MYO5A: variants seen among roughly 807,000 people sequenced by gnomAD.
The protein encoded by MYO5A is unconventional myosin-Va.
In MYO5A, 98 loss-of-function variants were observed where a neutral mutation model predicts 249.7. That is an observed-to-expected ratio of 0.39 (90% confidence interval 0.33 to 0.46). The LOEUF is 0.46. Ranked by LOEUF, MYO5A falls within the 20% of genes least tolerant of loss-of-function variation. The pLI is 0.98. For synonymous variants in MYO5A, 778 were observed against 810.6 expected (o/e 0.96, Z 0.68); for missense variants, 1,696 against 2,308.8 (o/e 0.73, Z 5.44).
chr15:52,443,257 T>G (rs564584222), intron 1 of MYO5A, among the ~76,000 whole-genome samples: 24 of 152,268 alleles, frequency 1.6e-4, no homozygotes, highest in African/African-American at 5.5e-4. Context: ...GAATGAAGGC[T>G]CTACCAAAAA....
intron 1 of MYO5A, among the ~76,000 whole-genome samples, chr15:52,466,505 T>C (rs1253629175): frequency 3.9e-5 from 6 of 152,120 alleles, no homozygotes; most frequent in Non-Finnish European, 5.9e-5. Context: ...CTGGCTAACA[T>C]AGTTGAGATG....
chr15:52,318,076 A>T (rs1315632587), intron 39 of MYO5A, among the ~76,000 whole-genome samples: 3 of 152,210 alleles, frequency 2.0e-5, no homozygotes, highest in African/African-American at 4.8e-5. Context: ...GAACACTAAC[A>T]GTTCCTGAGA....
intron 32 of MYO5A, 138 bp downstream of exon 32, chr15:52,340,058 C>G: frequency 1.1e-6 from 1 of 882,344 alleles, no homozygotes; most frequent in African/African-American, 1.7e-5. Context: ...CTTACTCTGT[C>G]TCTGCTGGAG....
intron 1 of MYO5A, among the ~76,000 whole-genome samples, chr15:52,488,043 A>G (rs1052654406): frequency 3.9e-5 from 6 of 152,102 alleles, no homozygotes; most frequent in South Asian, 2.1e-4. Flanking sequence ...TGAATTCTTA[A>G]CTTCTACATA....
chr15:52,359,167 T>A (rs951478499), intron 25 of MYO5A, among the ~76,000 whole-genome samples: 3 of 152,234 alleles, frequency 2.0e-5, no homozygotes, highest in African/African-American at 4.8e-5. Flanking sequence ...CATTCTTAAG[T>A]AGAACTAAGA....
chr15:52,446,296 C>T (rs569820398), intron 1 of MYO5A, among the ~76,000 whole-genome samples: 2 of 152,208 alleles, frequency 1.3e-5, no homozygotes, highest in African/African-American at 2.4e-5. Flanking sequence ...TCAAAAAAGC[C>T]GGGGTACAGC....
intron 1 of MYO5A, among the ~76,000 whole-genome samples, chr15:52,471,620 C>CACACACACACACA (rs71130163): frequency 1.3e-5 from 2 of 148,274 alleles, no homozygotes; most frequent in Admixed American, 6.7e-5. Flanking sequence ...CACACACACA[C>CACACACACACACA]CCCAAACAAA....
At chr15:52,410,306 G>C in intron 6 of MYO5A, 27 bp downstream of exon 6, 1 of 1,602,628 alleles carries the variant, frequency 6.2e-7, no homozygotes, top group Non-Finnish European at 8.5e-7. Context: ...TCTAACACAA[G>C]TGCATATGTG....
intron 9 of MYO5A, among the ~76,000 whole-genome samples, chr15:52,400,592 C>T (rs769493764): frequency 4.6e-5 from 7 of 152,148 alleles, no homozygotes; most frequent in Non-Finnish European, 4.4e-5. Context: ...AACAGTTCTT[C>T]ATTCTTCTTT....
At chr15:52,314,295 C>T in intron 40 of MYO5A, 92 bp from the exon 41 acceptor site, 1 of 947,024 alleles carries the variant, frequency 1.1e-6, no homozygotes, top group Non-Finnish European at 1.7e-6. Flanking sequence ...TCTGTGCGTA[C>T]AGATTTCAGT....
At chr15:52,517,420 C>T (rs1199630326) in intron 1 of MYO5A, among the ~76,000 whole-genome samples, 1 of 152,160 alleles carries the variant, frequency 6.6e-6, no homozygotes, top group Non-Finnish European at 1.5e-5. Context: ...GGCGGTGGCT[C>T]ACACCCATAA....
intron 1 of MYO5A, among the ~76,000 whole-genome samples, chr15:52,435,153 C>A (rs765594945): frequency 6.6e-6 from 1 of 151,442 alleles, no homozygotes; most frequent in Non-Finnish European, 1.5e-5. Flanking sequence ...TAGGAGAAAG[C>A]GAAAAGAAAG....
chr15:52,446,296 C>G (rs569820398), intron 1 of MYO5A, among the ~76,000 whole-genome samples: 20 of 152,208 alleles, frequency 1.3e-4, no homozygotes, highest in Non-Finnish European at 2.9e-4. Context: ...TCAAAAAAGC[C>G]GGGGTACAGC....
chr15:52,426,227 A>G (rs1359324002), intron 3 of MYO5A, among the ~76,000 whole-genome samples: 1 of 152,222 alleles, frequency 6.6e-6, no homozygotes, highest in Admixed American at 6.5e-5. Context: ...ATGTTATAAG[A>G]ACTTTAAATA....
intron 16 of MYO5A, among the ~76,000 whole-genome samples, chr15:52,381,904 C>T (rs546695252): frequency 6.8e-4 from 104 of 151,946 alleles, no homozygotes; most frequent in Non-Finnish European, 9.9e-4. Flanking sequence ...TTTTTCTTTT[C>T]CTTTTTTCTT....
intron 27 of MYO5A, 48 bp downstream of exon 27, chr15:52,353,557 C>A: frequency 6.4e-7 from 1 of 1,563,136 alleles, no homozygotes; most frequent in South Asian, 1.1e-5. Context: ...GAATGGGCCT[C>A]TTGCCAAAAC....
chr15:52,459,282 T>A (rs1183113131), intron 1 of MYO5A, among the ~76,000 whole-genome samples: 1 of 150,808 alleles, frequency 6.6e-6, no homozygotes, highest in African/African-American at 2.4e-5. Context: ...CAAAGGTCTC[T>A]GGTTTTCCTA....
At chr15:52,379,754 G>C (rs1172371808) in intron 17 of MYO5A, 21 bp from the exon 18 acceptor site, 1 of 1,613,416 alleles carries the variant, frequency 6.2e-7, no homozygotes, top group Non-Finnish European at 8.5e-7. Flanking sequence ...AAAACCATCT[G>C]AGTTTACTTA....
chr15:52,335,271 A>C (rs2039059038), intron 34 of MYO5A, among the ~76,000 whole-genome samples: 1 of 152,148 alleles, frequency 6.6e-6, no homozygotes, highest in Non-Finnish European at 1.5e-5. Flanking sequence ...TATACCCAGC[A>C]CTTTGGGAGG....
Sources: allele counts gnomAD v4.1 joint callset (sites outside exome capture counted in the v4.1 genomes callset), GRCh38; gene constraint gnomAD v4.1.1; transcripts MANE v1.5; gene names NCBI Gene and HGNC (gene_info 2026-07-23, HGNC 2026-07-21).